The following GNG7 variants were observed in gnomAD, a reference collection of about 807,000 sequenced individuals.
GNG7 encodes guanine nucleotide-binding protein G(I)/G(S)/G(O) subunit gamma-7.
A neutral mutation model predicts 4.0 loss-of-function variants in GNG7; 1 was observed. The ratio of observed to expected loss-of-function variants is 0.25; its 90% CI spans 0.09 to 1.18. The LOEUF (loss-of-function observed/expected upper bound fraction) is 1.18, where lower values mean the gene tolerates loss of function less well. Among genes scored for constraint, GNG7 ranks in the 50% most tolerant of loss-of-function variants. The pLI is 0.50. For missense variants in GNG7, 86 were observed against 91.9 expected, an observed-to-expected ratio of 0.94 and a Z score of 0.26; for synonymous variants, 34 against 36.9, an observed-to-expected ratio of 0.92 and a Z score of 0.29.
intron 2 of GNG7, among the ~76,000 whole-genome samples, chr19:2,612,488 T>C (rs561884724): frequency 2.0e-5 from 3 of 151,724 alleles, no homozygotes; most frequent in African/African-American, 4.8e-5. Context: ...GGGGCCTCAG[T>C]GAGAAGACTG....
chr19:2,518,036 C>T (rs190482843), intron 4 of GNG7, among the ~76,000 whole-genome samples: 17 of 152,298 alleles, frequency 1.1e-4, no homozygotes, highest in Non-Finnish European at 2.2e-4. Flanking sequence ...CCCTCCTGGA[C>T]GACAGAAATA....
chr19:2,598,316 G>C (rs1004548729), intron 2 of GNG7, among the ~76,000 whole-genome samples: 1 of 152,092 alleles, frequency 6.6e-6, no homozygotes, highest in Non-Finnish European at 1.5e-5. Context: ...CTGAGGTCAG[G>C]AGTTCGAGAC....
intron 1 of GNG7, among the ~76,000 whole-genome samples, chr19:2,696,331 AAAGAAAGAAAGAAAGAAAAGAAAGAAAAG>A (rs1233891439): frequency 6.2e-5 from 9 of 145,790 alleles, no homozygotes; most frequent in African/African-American, 2.4e-4. Flanking sequence ...AGAAAGAAAG[AAAGAAAGAAAGAAAGAAAAGAAAGAAAAG>A]AAAGAAAGAA....
intron 1 of GNG7, among the ~76,000 whole-genome samples, chr19:2,695,123 C>T (rs529255683): frequency 6.6e-6 from 1 of 152,168 alleles, no homozygotes; most frequent in East Asian, 1.9e-4. Context: ...CTGCAGTGAG[C>T]CAGGCTGAGA....
rs1314395887 is a variant in GNG7 at position 2,512,811 on chromosome 19, G to C, written c.*2211C>G. ...CCAAGATGGCTTGTTGGAAAGGGTG[G>C]AGGCAGGCGGGCTCTCCCTGCCTGG... On this transcript the variant is annotated 3_prime_UTR_variant, in exon 5 of 5. Coordinates refer to ENST00000382159, the MANE Select transcript of GNG7 (RefSeq NM_052847.3). This position sits in a 1 kb window ranked among gnomAD's most constrained non-coding sequence, Gnocchi z 4.7. The C allele has an allele frequency of 1.4e-6, 1 of 710,638 alleles. No individual in the cohort carries two copies. The highest frequency in any genetic ancestry group is 1.7e-6 in the Non-Finnish European group (1 of 578,818). 44.0% of individuals were successfully genotyped at this position (710,638 alleles called of 1,614,324 possible).
rs1972684390 is a variant in GNG7, at chr19:2,513,472, C to G, written c.*1550G>C. 1 of 976,878 alleles carries G rather than the reference C, an allele frequency of 1.0e-6. No homozygotes were observed. Among genetic ancestry groups the G allele is most frequent in the Non-Finnish European group, 1.2e-6 (1 of 822,228 alleles). 60.5% of individuals were successfully genotyped at this position (976,878 alleles called of 1,614,324 possible). A position where few individuals can be genotyped will look rare whatever the true frequency, so the allele number is the denominator to read the frequency against. ...CTGGAAGATGTGGCTGCACCTGCTC[C>G]CGTCCGTGCCGCAGAGGAGGACGCA... On this transcript the variant is annotated 3_prime_UTR_variant, in exon 5 of 5. Coordinates refer to ENST00000382159, the MANE Select transcript of GNG7 (RefSeq NM_052847.3).
At chr19:2,688,261 A>G (rs1417823218) in intron 1 of GNG7, among the ~76,000 whole-genome samples, 1 of 152,228 alleles carries the variant, frequency 6.6e-6, no homozygotes, top group Non-Finnish European at 1.5e-5. Context: ...TCAACAAAAG[A>G]AAAAAGAAAT....
chr19:2,573,918 T>C (rs2144783660), intron 2 of GNG7, among the ~76,000 whole-genome samples: 1 of 152,342 alleles, frequency 6.6e-6, no homozygotes, highest in Non-Finnish European at 1.5e-5. Flanking sequence ...AATTAAATTC[T>C]TTCTGGAAGA....
At chr19:2,599,936 C>CAA (rs529339667) in intron 2 of GNG7, among the ~76,000 whole-genome samples, 2 of 112,170 alleles carry the variant, frequency 1.8e-5, no homozygotes. Flanking sequence ...GACTCCATCT[C>CAA]AAAAAAAAAA....
chr19:2,642,176 A>AC (rs1232713333), intron 2 of GNG7: 1 of 159,906 alleles, frequency 6.3e-6, no homozygotes, highest in Non-Finnish European at 1.4e-5. Flanking sequence ...GTTCTCACAG[A>AC]CCCCCACCAT....
intron 2 of GNG7, among the ~76,000 whole-genome samples, chr19:2,628,049 G>A (rs1361217706): frequency 1.3e-5 from 2 of 152,208 alleles, no homozygotes; most frequent in Admixed American, 6.5e-5. Context: ...GCCCCTCTCA[G>A]CTACTGTTTT....
chr19:2,575,142 TG>T lies in GNG7; in HGVS notation c.-77-19955del, dbSNP rs572990921. Among the ~76,000 whole-genome samples, 9 of 151,070 alleles carry T rather than the reference TG, an allele frequency of 6.0e-5. No individual in the cohort carries two copies. In the South Asian group the frequency reaches 1.5e-3, roughly 25 times the overall value. ...CTCTATTGCCCAGGCTGGAGTGCAG[TG>T]GCACCGTCATAGCTTACTGCAGCCT... On this transcript the variant is annotated intron_variant, in intron 2 of 4. Coordinates refer to ENST00000382159, the MANE Select transcript of GNG7 (RefSeq NM_052847.3).
At chr19:2,544,018 C>T (rs756115032) in intron 3 of GNG7, among the ~76,000 whole-genome samples, 17 of 151,872 alleles carry the variant, frequency 1.1e-4, no homozygotes, top group Non-Finnish European at 2.1e-4. Flanking sequence ...CTGCCTGCCT[C>T]GAAAAAGGAA....
chr19:2,535,080 A>G (rs1240259383), intron 3 of GNG7, among the ~76,000 whole-genome samples: 2 of 152,184 alleles, frequency 1.3e-5, no homozygotes, highest in Non-Finnish European at 2.9e-5. Context: ...ACAATCTTGG[A>G]GCCAGTCATT....
chr19:2,616,715 G>A, intron 2 of GNG7, among the ~76,000 whole-genome samples: 1 of 151,970 alleles, frequency 6.6e-6, no homozygotes, highest in East Asian at 1.9e-4. Context: ...AGAGGTTGCA[G>A]GTTGCAGTGA....
intron 2 of GNG7, among the ~76,000 whole-genome samples, chr19:2,645,510 A>C (rs943554082): frequency 6.6e-6 from 1 of 151,882 alleles, no homozygotes; most frequent in Non-Finnish European, 1.5e-5. Context: ...AAGTGCTGGG[A>C]TTACAGGCAT....
At chr19:2,624,634 A>G (rs1015561591) in intron 2 of GNG7, among the ~76,000 whole-genome samples, 1 of 151,988 alleles carries the variant, frequency 6.6e-6, no homozygotes, top group African/African-American at 2.4e-5. Flanking sequence ...CGGTGGTGCC[A>G]CAGCACAGCA....
chr19:2,655,830 C>T (rs1982953322), intron 1 of GNG7, among the ~76,000 whole-genome samples: 1 of 121,176 alleles, frequency 8.3e-6, no homozygotes, highest in Admixed American at 8.8e-5. Context: ...CGGAGAGAGG[C>T]TCCGTCTGAA....
rs773351234 is a variant in GNG7, at chr19:2,614,923, T to C, written c.-78+31301A>G. Among the ~76,000 whole-genome samples the C allele has an allele frequency of 1.4e-4, 21 of 152,216 alleles. No individual in the cohort carries two copies. The highest frequency in any genetic ancestry group is 5.2e-4 in the Admixed American group (8 of 15,280). ...ACATCAATTCTCAATGCCAAGGCGT[T>C]CCTCAGCTTTTAAACAAGGCACTGA... On this transcript the variant is annotated intron_variant, in intron 2 of 4. Transcript: ENST00000382159. The surrounding 1 kb of genome is among the most constrained non-coding windows in gnomAD (Gnocchi z 6.0).
Sources: allele counts gnomAD v4.1 joint callset (sites outside exome capture counted in the v4.1 genomes callset), GRCh38; gene constraint gnomAD v4.1.1; non-coding constraint Gnocchi (gnomAD v3.1); transcripts MANE v1.5; gene names NCBI Gene and HGNC (gene_info 2026-07-23, HGNC 2026-07-21).